The following KANSL1 variants were observed in gnomAD, a reference collection of about 807,000 sequenced individuals.
The protein encoded by KANSL1 is MLL1/MLL complex subunit KANSL1.
In KANSL1, 22 loss-of-function variants were observed where a neutral mutation model predicts 103.6. The observed-to-expected ratio is 0.21, with a 90% confidence interval of 0.15 to 0.30. The LOEUF (loss-of-function observed/expected upper bound fraction) is 0.30. KANSL1 is among the 10% of genes least tolerant of loss of function. The probability of loss-of-function intolerance (pLI) is 1.00; values close to 1 mark genes in which losing one functional copy is unlikely to be tolerated. For missense variants in KANSL1, 1,337 were observed against 1,399.8 expected (o/e 0.96, Z 0.72); for synonymous variants, 600 against 527.6 (o/e 1.14, Z -1.88).
At chr17:46,203,957 C>CG (rs1431118164) in intron 1 of KANSL1, among the ~76,000 whole-genome samples, 1 of 151,284 alleles carries the variant, frequency 6.6e-6, no homozygotes, top group East Asian at 2.0e-4. Flanking sequence ...GGAGAGACTA[C>CG]TTGAGCCTAG....
chr17:46,171,371 A>G lies in KANSL1; in HGVS notation c.773T>C (p.Leu258Ser), dbSNP rs145714368. 1,912 of 1,614,108 alleles carry G rather than the reference A, an allele frequency of 1.2e-3. 39 individuals are homozygous for G. The Admixed American group carries it at 0.03, about 25-fold the overall frequency. The change falls in exon 2 of 15, where the codon TTG becomes TCG. Residue 258 changes from leucine to serine, a missense_variant. By Grantham distance (145) the Leu-to-Ser change is moderately radical (BLOSUM62 -2). This residue lies in a region of KANSL1 where 557 missense variants were observed against 476.4 expected (regional missense o/e 1.17). Transcript: ENST00000432791. ...TTTACCCTCCAATTTGACACCCCCC[A>G]AGTTAGAGCTGGAGTCTGTACCAGG... ...LSPGTDSSSN[L>S]GGVKLEGKKS...
intron 2 of KANSL1, among the ~76,000 whole-genome samples, chr17:46,109,812 C>T (rs562327126): frequency 9.2e-5 from 14 of 152,350 alleles, no homozygotes; most frequent in Admixed American, 3.9e-4. Context: ...CCACAAGGTA[C>T]TCTATGCCCT....
chr17:46,053,511 C>CA (rs2077802296), intron 6 of KANSL1, among the ~76,000 whole-genome samples: 1 of 151,438 alleles, frequency 6.6e-6, no homozygotes, highest in Non-Finnish European at 1.5e-5. Flanking sequence ...TGCAGTGGCG[C>CA]AAGTCTGCCT....
In KANSL1 at chr17:46,031,469, C is replaced by G. The variant is rs1361944933; in HGVS notation, c.*7G>C. On this transcript the variant is annotated 3_prime_UTR_variant, in exon 15 of 15. Coordinates refer to ENST00000432791, the MANE Select transcript of KANSL1 (RefSeq NM_015443.4). ...TTAGTGAGTCTGTTTAGATGGCTGT[C>G]TCCCGCTCATCTGTGAGTCGGGCGC... 3 of 1,593,116 alleles carry G rather than the reference C, an allele frequency of 1.9e-6. No homozygotes were observed. The African/African-American group carries it at 4.0e-5, about 21-fold the overall frequency.
At chr17:46,164,441 G>C (rs1023016498) in intron 2 of KANSL1, among the ~76,000 whole-genome samples, 3 of 152,256 alleles carry the variant, frequency 2.0e-5, no homozygotes, top group East Asian at 3.8e-4. Flanking sequence ...TAGGAGAAAA[G>C]CCAAGGGGCA....
At chr17:46,217,273 C>T (rs1301938378) in intron 1 of KANSL1, among the ~76,000 whole-genome samples, 23 of 151,386 alleles carry the variant, frequency 1.5e-4, no homozygotes, top group Non-Finnish European at 3.2e-4. Flanking sequence ...GTCAGGAGTT[C>T]GAGACCAGCC....
intron 4 of KANSL1, among the ~76,000 whole-genome samples, chr17:46,079,679 T>C (rs1351061724): frequency 6.6e-6 from 1 of 152,180 alleles, no homozygotes; most frequent in African/African-American, 2.4e-5. Context: ...TCACTATATA[T>C]TTAGGAATTA....
At chr17:46,219,171 G>A (rs2148057907) in intron 1 of KANSL1, among the ~76,000 whole-genome samples, 1 of 151,630 alleles carries the variant, frequency 6.6e-6, no homozygotes, top group Non-Finnish European at 1.5e-5. Flanking sequence ...GGCTGAGGCA[G>A]GAGAATCACT....
chr17:46,141,851 C>CA (rs1372191066), intron 2 of KANSL1, among the ~76,000 whole-genome samples: 2 of 152,218 alleles, frequency 1.3e-5, no homozygotes, highest in South Asian at 2.1e-4. Context: ...TATTATGAAA[C>CA]AAAAAACGCT....
intron 1 of KANSL1, chr17:46,215,154 A>C (rs2048299984): frequency 1.3e-5 from 2 of 152,358 alleles, no homozygotes; most frequent in African/African-American, 4.8e-5. Flanking sequence ...AGTAAACACC[A>C]ATATACTTGG....
intron 7 of KANSL1, chr17:46,049,579 G>A (rs1176133718): frequency 6.6e-6 from 1 of 152,188 alleles, no homozygotes; most frequent in Non-Finnish European, 1.5e-5. Flanking sequence ...GTCTCCCAAA[G>A]TGACGGGATT....
intron 3 of KANSL1, chr17:46,094,355 C>G (rs1389146873): frequency 1.6e-6 from 1 of 616,970 alleles, no homozygotes; most frequent in African/African-American, 2.0e-5. Context: ...CCTTGGCCTC[C>G]CAAAGTGCTG....
chr17:46,106,843 A>T (rs1158375126), intron 2 of KANSL1, among the ~76,000 whole-genome samples: 1 of 133,380 alleles, frequency 7.5e-6, no homozygotes, highest in African/African-American at 2.5e-5. Context: ...AAACAAACAA[A>T]AAAGTGAATA....
chr17:46,158,345 T>G (rs972759407), intron 2 of KANSL1, among the ~76,000 whole-genome samples: 11 of 152,116 alleles, frequency 7.2e-5, no homozygotes, highest in Non-Finnish European at 1.3e-4. Context: ...GGGATAAATT[T>G]TTGTTTTCCA....
At position 46,031,680 on chromosome 17, in the gene KANSL1, C is replaced by G. The variant is rs1568365402; in HGVS notation, c.3114G>C (p.Arg1038=). ...GGGGACTGTGCGCCAGGGGGAAGGT[C>G]CGCCGCTCCCAGGGCTGGACAGACT... The part of the protein sequence containing the change: ...DEQSVQPWER[R]TFPLAHSPQA... Residue 1038 remains arginine, a synonymous_variant, in exon 15 of 15, where the codon CGG becomes CGC. Coordinates refer to ENST00000432791, the MANE Select transcript of KANSL1 (RefSeq NM_015443.4). The G allele has an allele frequency of 6.2e-7, 1 of 1,609,270 alleles. No homozygotes were observed. Among genetic ancestry groups the G allele is most frequent in the Admixed American group, 1.7e-5 (1 of 59,932 alleles).
At chr17:46,168,636 C>T (rs1029078887) in intron 2 of KANSL1, among the ~76,000 whole-genome samples, 1 of 152,198 alleles carries the variant, frequency 6.6e-6, no homozygotes, top group Non-Finnish European at 1.5e-5. Context: ...CAGGAGTGAG[C>T]CACCGTGCCC....
chr17:46,099,773 T>C (rs2042232844), intron 2 of KANSL1, among the ~76,000 whole-genome samples: 1 of 152,270 alleles, frequency 6.6e-6, no homozygotes, highest in South Asian at 2.1e-4. Flanking sequence ...GTACTATATA[T>C]ACTGTAGTTA....
rs776183957 is a variant in KANSL1, at chr17:46,031,656, G to C, written c.3138C>G (p.Pro1046=). 1.1e-5 allele frequency: 17 copies of C among 1,612,454 alleles called. No homozygotes were observed. In the South Asian group the frequency reaches 1.5e-4, roughly 15 times the overall value. The change falls in exon 15 of 15, where the codon CCC becomes CCG. Residue 1046 remains proline, a synonymous_variant. Transcript: ENST00000432791. ...ERRTFPLAHS[P]QAECEDQLDA... is the part of the protein sequence containing the mutation. ...CCAGCTGGTCCTCACACTCCGCCTG[G>C]GGACTGTGCGCCAGGGGGAAGGTCC...
intron 1 of KANSL1, among the ~76,000 whole-genome samples, chr17:46,181,501 C>T (rs1453039675): frequency 1.2e-4 from 18 of 152,180 alleles, no homozygotes; most frequent in Non-Finnish European, 1.5e-5. Flanking sequence ...GCGATCTCCG[C>T]TCACTGCAAC....
Sources: allele counts gnomAD v4.1 joint callset (sites outside exome capture counted in the v4.1 genomes callset), GRCh38; gene constraint gnomAD v4.1.1; regional missense constraint gnomAD v4.1.1; transcripts MANE v1.5; gene names NCBI Gene and HGNC (gene_info 2026-07-23, HGNC 2026-07-21).